KIAA1671: variants seen among roughly 807,000 people sequenced by gnomAD.
KIAA1671 encodes KIAA1671, also known as uncharacterized protein KIAA1671.
Under a neutral mutation model 131.2 loss-of-function variants are expected in KIAA1671, and 52 were observed. That is an observed-to-expected ratio of 0.40 (90% confidence interval 0.32 to 0.50). KIAA1671 has a LOEUF of 0.50. KIAA1671 is among the 20% of genes least tolerant of loss of function. The probability of loss-of-function intolerance (pLI) is 0.73; values close to 1 mark genes in which losing one functional copy is unlikely to be tolerated. For synonymous variants in KIAA1671, 1,003 were observed against 961.6 expected (o/e 1.04, Z -0.80); for missense variants, 2,360 against 2,364.2 (o/e 1.00, Z 0.04).
chr22:25,003,531 C>T (rs1924584448), intron 1 of KIAA1671, among the ~76,000 whole-genome samples: 1 of 151,180 alleles, frequency 6.6e-6, no homozygotes, highest in South Asian at 2.1e-4. Context: ...CCTGCCTTGG[C>T]CTCCTGAGCA....
intron 1 of KIAA1671, among the ~76,000 whole-genome samples, chr22:24,979,938 G>T (rs999028892): frequency 1.3e-5 from 2 of 151,414 alleles, no homozygotes; most frequent in Non-Finnish European, 2.9e-5. Flanking sequence ...AAGTTCACCT[G>T]TGTTGTAGCA....
In KIAA1671 at chr22:25,085,515, C is replaced by G. The variant is rs374566787; in HGVS notation, c.4530+36151C>G. 3.3e-4 allele frequency among the ~76,000 whole-genome samples: 50 copies of G among 151,818 alleles called. 1 individual carries two copies. The highest frequency in any genetic ancestry group is 1.2e-3 in the African/African-American group (49 of 41,458). On this transcript the variant is annotated intron_variant, in intron 6 of 12. Coordinates refer to ENST00000358431, the MANE Select transcript of KIAA1671 (RefSeq NM_001145206.2). ...GTGCTGAGGGGCCCCCACCTCCCCC[C>G]CCATAACCCCCTGTCCGTCCTGCGG...
chr22:24,998,100 A>G (rs1924238541), intron 1 of KIAA1671, among the ~76,000 whole-genome samples: 1 of 152,186 alleles, frequency 6.6e-6, no homozygotes, highest in Non-Finnish European at 1.5e-5. Flanking sequence ...AGTCAAAAGT[A>G]TTGTCAAAGT....
chr22:24,974,685 C>CTTTTTTTTTT (rs34171375), intron 1 of KIAA1671, among the ~76,000 whole-genome samples: 1 of 81,260 alleles, frequency 1.2e-5, no homozygotes, highest in African/African-American at 5.4e-5. Flanking sequence ...CAGCTCACCT[C>CTTTTTTTTTT]TTTTTTTTTT....
intron 6 of KIAA1671, among the ~76,000 whole-genome samples, chr22:25,103,548 C>T (rs781249461): frequency 2.6e-5 from 4 of 152,096 alleles, no homozygotes; most frequent in East Asian, 1.9e-4. Context: ...TTAGTACAGA[C>T]GAGGTTTCAC....
chr22:25,184,374 A>G (rs762675635), intron 10 of KIAA1671, among the ~76,000 whole-genome samples: 1 of 152,194 alleles, frequency 6.6e-6, no homozygotes, highest in Non-Finnish European at 1.5e-5. Flanking sequence ...TGATCAGTGC[A>G]CAGAAGCTAT....
At chr22:25,102,941 T>C (rs1930769486) in intron 6 of KIAA1671, 1 of 151,954 alleles carries the variant, frequency 6.6e-6, no homozygotes, top group Non-Finnish European at 1.5e-5. Flanking sequence ...AAAAAGTAGG[T>C]TGAAGCTGAG....
chr22:25,100,794 A>G (rs1455539734), intron 6 of KIAA1671, among the ~76,000 whole-genome samples: 1 of 152,210 alleles, frequency 6.6e-6, no homozygotes, highest in Non-Finnish European at 1.5e-5. Context: ...CTTCCCTGCT[A>G]TAGTACCTGG....
chr22:25,067,858 G>T (rs528875317), intron 6 of KIAA1671, among the ~76,000 whole-genome samples: 9 of 152,260 alleles, frequency 5.9e-5, no homozygotes, highest in Non-Finnish European at 1.0e-4. Context: ...TAGGGCAGCC[G>T]CGAGCGCTGC....
At chr22:25,006,598 A>G (rs1360111159) in intron 1 of KIAA1671, among the ~76,000 whole-genome samples, 3 of 152,122 alleles carry the variant, frequency 2.0e-5, no homozygotes, top group East Asian at 1.9e-4. Flanking sequence ...TAAGCTCTGT[A>G]TGCGTTTCCT....
chr22:25,135,831 C>G (rs1932653570), intron 6 of KIAA1671, among the ~76,000 whole-genome samples: 1 of 152,214 alleles, frequency 6.6e-6, no homozygotes, highest in African/African-American at 2.4e-5. Context: ...AGCATCACCA[C>G]AGTACTGATG....
chr22:25,187,628 C>G (rs1326094732), intron 11 of KIAA1671, among the ~76,000 whole-genome samples: 1 of 152,114 alleles, frequency 6.6e-6, no homozygotes, highest in Non-Finnish European at 1.5e-5. Context: ...CCCACCTCAG[C>G]CTCCATGAGT....
At chr22:25,026,843 A>G (rs1434837219) in intron 2 of KIAA1671, among the ~76,000 whole-genome samples, 1 of 152,110 alleles carries the variant, frequency 6.6e-6, no homozygotes, top group Admixed American at 6.5e-5. Flanking sequence ...CATCTCCATG[A>G]GGGAGATAAC....
At chr22:25,036,784 C>T (rs1469671228) in intron 4 of KIAA1671, among the ~76,000 whole-genome samples, 3 of 151,902 alleles carry the variant, frequency 2.0e-5, no homozygotes, top group African/African-American at 4.8e-5. Context: ...ATTAGCCAGG[C>T]GTGGTGGTGC....
chr22:24,990,010 C>T (rs1923754820), intron 1 of KIAA1671, among the ~76,000 whole-genome samples: 1 of 152,150 alleles, frequency 6.6e-6, no homozygotes, highest in African/African-American at 2.4e-5. Context: ...ATTATGAGCA[C>T]CAGACGGCAG....
chr22:25,177,205 T>C lies in KIAA1671; in HGVS notation c.4900-143T>C, dbSNP rs540663973. The stretch of plus-strand genomic sequence containing the variant: ...TTAGGCTTTGGGTGTTAGGTTACTA[T>C]TAAAATGTGGAAGCCCTGGCCTAGG... On this transcript the variant is annotated intron_variant, in intron 8 of 12. Coordinates refer to ENST00000358431, the MANE Select transcript of KIAA1671 (RefSeq NM_001145206.2). The C allele has an allele frequency of 5.4e-5, 41 of 756,674 alleles. No individual in the cohort carries two copies. In the Middle Eastern group the frequency reaches 3.1e-3, roughly 58 times the overall value. The allele number at this position is 756,674 out of a possible 1,614,324, so 46.9% of individuals were successfully genotyped here. A position where few individuals can be genotyped will look rare whatever the true frequency, so the allele number is the denominator to read the frequency against.
chr22:24,981,001 C>T (rs1923203743), intron 1 of KIAA1671, among the ~76,000 whole-genome samples: 1 of 152,002 alleles, frequency 6.6e-6, no homozygotes, highest in Non-Finnish European at 1.5e-5. Context: ...CCTGCCTTGG[C>T]CTCCCAAAGT....
At chr22:25,147,384 G>A (rs1932901844) in intron 6 of KIAA1671, among the ~76,000 whole-genome samples, 1 of 152,032 alleles carries the variant, frequency 6.6e-6, no homozygotes, top group South Asian at 2.1e-4. Flanking sequence ...GTAGAGATAG[G>A]GTTTCACCAT....
chr22:25,145,983 TG>T (rs1932872522), intron 6 of KIAA1671, among the ~76,000 whole-genome samples: 1 of 151,838 alleles, frequency 6.6e-6, no homozygotes, highest in Non-Finnish European at 1.5e-5. Context: ...GGATTAATGC[TG>T]AATACCATCT....
Sources: allele counts gnomAD v4.1 joint callset (sites outside exome capture counted in the v4.1 genomes callset), GRCh38; gene constraint gnomAD v4.1.1; transcripts MANE v1.5; gene names NCBI Gene and HGNC (gene_info 2026-07-23, HGNC 2026-07-21).